PTK2: variants seen among roughly 807,000 people sequenced by gnomAD.
The protein encoded by PTK2 is focal adhesion kinase 1.
A neutral mutation model predicts 150.1 loss-of-function variants in PTK2; 45 were observed. That is an observed-to-expected ratio of 0.30 (90% CI 0.24 to 0.38). The LOEUF is 0.38. Among genes scored for constraint, PTK2 ranks in the 10% least tolerant of loss-of-function variants. The probability of loss-of-function intolerance (pLI) is 1.00; values close to 1 mark genes in which losing one functional copy is unlikely to be tolerated. For synonymous variants in PTK2, 432 were observed against 449.2 expected, an observed-to-expected ratio of 0.96 and a Z score of 0.48; for missense variants, 919 against 1,307.3, an observed-to-expected ratio of 0.70 and a Z score of 4.58.
intron 22 of PTK2, among the ~76,000 whole-genome samples, chr8:140,724,617 GAA>G (rs935546287): frequency 3.3e-5 from 5 of 152,090 alleles, no homozygotes; most frequent in African/African-American, 9.7e-5. Flanking sequence ...AGTTAATCTA[GAA>G]AACACCCAGA....
chr8:140,966,012 T>C (rs1481901993), intron 1 of PTK2, among the ~76,000 whole-genome samples: 1 of 152,040 alleles, frequency 6.6e-6, no homozygotes, highest in Non-Finnish European at 1.5e-5. Flanking sequence ...TTGGTTGCAG[T>C]TGGAAGCATT....
At chr8:140,907,486 C>T (rs1157397575) in intron 2 of PTK2, among the ~76,000 whole-genome samples, 1 of 152,152 alleles carries the variant, frequency 6.6e-6, no homozygotes, top group Admixed American at 6.5e-5. Context: ...GTACCTTCTT[C>T]CCTAGCCCTG....
intron 7 of PTK2, among the ~76,000 whole-genome samples, chr8:140,839,127 C>T (rs1016372084): frequency 3.3e-5 from 5 of 152,084 alleles, no homozygotes; most frequent in African/African-American, 7.2e-5. Context: ...GTTTCTAGGA[C>T]GCCCCCAGCA....
chr8:140,919,130 T>C (rs2100166433), intron 2 of PTK2, among the ~76,000 whole-genome samples: 2 of 152,188 alleles, frequency 1.3e-5, no homozygotes, highest in Admixed American at 6.5e-5. Flanking sequence ...TCTGAACAAC[T>C]GGAAAGCAAA....
intron 5 of PTK2, among the ~76,000 whole-genome samples, chr8:140,850,593 G>C (rs2100128652): frequency 6.6e-6 from 1 of 151,900 alleles, no homozygotes; most frequent in Non-Finnish European, 1.5e-5. Flanking sequence ...ATCCGGGCGT[G>C]GTGGCAGGCA....
intron 1 of PTK2, among the ~76,000 whole-genome samples, chr8:140,995,596 G>A (rs1569548699): frequency 1.3e-5 from 2 of 151,882 alleles, no homozygotes; most frequent in African/African-American, 4.8e-5. Flanking sequence ...GAGCTCAGGA[G>A]TTTGAGAACA....
At chr8:140,750,867 T>C (rs1178583232) in intron 17 of PTK2, among the ~76,000 whole-genome samples, 1 of 152,120 alleles carries the variant, frequency 6.6e-6, no homozygotes, top group Non-Finnish European at 1.5e-5. Flanking sequence ...AGGCAGAGCC[T>C]AGAACTTTAG....
chr8:140,726,712 C>A (rs988621483), intron 22 of PTK2, among the ~76,000 whole-genome samples: 6 of 152,110 alleles, frequency 3.9e-5, no homozygotes, highest in African/African-American at 1.4e-4. Flanking sequence ...GAATTCACCA[C>A]CAACTGATCT....
At chr8:140,821,142 T>C (rs7010459) in intron 8 of PTK2, 88,339 of 151,980 alleles carry the variant, frequency 0.58, 27,287 homozygotes, top group African/African-American at 0.79. Context: ...GAGTGAGAGG[T>C]TGAGGTAAGG....
At chr8:140,929,645 C>G (rs894177751) in intron 1 of PTK2, among the ~76,000 whole-genome samples, 4 of 152,070 alleles carry the variant, frequency 2.6e-5, no homozygotes, top group Non-Finnish European at 4.4e-5. Context: ...CATGCAACTC[C>G]AAAGCCCAAA....
Position 140,890,502 on chromosome 8 carries a change from T to A in PTK2, c.195+41A>T. The A allele has an allele frequency of 2.0e-6, 3 of 1,529,034 alleles. No individual in the cohort carries two copies. The South Asian group carries it at 3.4e-5, about 17-fold the overall frequency. 94.7% of individuals were successfully genotyped at this position (1,529,034 alleles called of 1,614,324 possible). A position where few individuals can be genotyped will look rare whatever the true frequency, so the allele number is the denominator to read the frequency against. ...TCATACATGCCATTACATTTTAACC[T>A]AAATAAACATTAAAGATGTCTCATG... On this transcript the variant is annotated intron_variant, in intron 3 of 31. Transcript: ENST00000522684.
At chr8:140,832,165 G>A (rs939202159) in intron 7 of PTK2, among the ~76,000 whole-genome samples, 3 of 152,056 alleles carry the variant, frequency 2.0e-5, no homozygotes, top group Admixed American at 2.0e-4. Context: ...AGCGATTCTC[G>A]TGCCTCAGTA....
intron 7 of PTK2, among the ~76,000 whole-genome samples, chr8:140,835,433 AACTCTT>A (rs1338205826): frequency 6.6e-6 from 1 of 152,238 alleles, no homozygotes; most frequent in African/African-American, 2.4e-5. Flanking sequence ...TCCATGTAGT[AACTCTT>A]ACTCTTTCTC....
intron 2 of PTK2, among the ~76,000 whole-genome samples, chr8:140,900,831 C>T (rs974430341): frequency 2.0e-5 from 3 of 151,618 alleles, no homozygotes; most frequent in African/African-American, 7.3e-5. Flanking sequence ...ACAACAATAC[C>T]CAAAGCAATT....
At chr8:140,967,133 C>G (rs373774368) in intron 1 of PTK2, among the ~76,000 whole-genome samples, 4 of 152,294 alleles carry the variant, frequency 2.6e-5, no homozygotes, top group African/African-American at 7.2e-5. Context: ...AAAGAAGTTA[C>G]TAAGTTTTCC....
intron 13 of PTK2, among the ~76,000 whole-genome samples, chr8:140,792,473 T>C (rs2100089032): frequency 6.6e-6 from 1 of 152,196 alleles, no homozygotes; most frequent in African/African-American, 2.4e-5. Flanking sequence ...CCATGCACCT[T>C]CATCCTTTGC....
intron 1 of PTK2, among the ~76,000 whole-genome samples, chr8:140,944,562 G>C (rs1238774581): frequency 2.0e-5 from 3 of 152,146 alleles, no homozygotes; most frequent in East Asian, 1.9e-4. Flanking sequence ...CTGCTGTAAA[G>C]AATTAAGATT....
intron 10 of PTK2, among the ~76,000 whole-genome samples, chr8:140,806,433 C>T (rs565499311): frequency 6.6e-6 from 1 of 151,792 alleles, no homozygotes; most frequent in Non-Finnish European, 1.5e-5. Flanking sequence ...TCCAACAGAC[C>T]GAGAGCTGAA....
At chr8:140,731,017 G>C (rs1341730009) in intron 22 of PTK2, among the ~76,000 whole-genome samples, 1 of 144,270 alleles carries the variant, frequency 6.9e-6, no homozygotes, top group Non-Finnish European at 1.5e-5. Flanking sequence ...GGAGTGCAAT[G>C]GCGCAATACC....
Sources: allele counts gnomAD v4.1 joint callset (sites outside exome capture counted in the v4.1 genomes callset), GRCh38; gene constraint gnomAD v4.1.1; transcripts MANE v1.5; gene names NCBI Gene and HGNC (gene_info 2026-07-23, HGNC 2026-07-21).